The following NOC3L variants were observed in gnomAD, a reference collection of about 807,000 sequenced individuals.
The protein encoded by NOC3L is nucleolar complex protein 3 homolog.
NOC3L carries 85 observed loss-of-function variants against 102.5 expected under a neutral mutation model. That is an observed-to-expected ratio of 0.83 (90% confidence interval 0.70 to 0.99). NOC3L has a LOEUF of 0.99. Ranked by LOEUF, NOC3L falls within the 50% of genes least tolerant of loss-of-function variation. The probability of loss-of-function intolerance (pLI) is 0.00; values close to 1 mark genes in which losing one functional copy is unlikely to be tolerated. For missense variants in NOC3L, 878 were observed against 914.9 expected (o/e 0.96, Z 0.52); for synonymous variants, 303 against 309.4 (o/e 0.98, Z 0.22).
chr10:94,343,272 T>C (rs1365425940), intron 13 of NOC3L, among the ~76,000 whole-genome samples: 3 of 152,056 alleles, frequency 2.0e-5, no homozygotes, highest in Non-Finnish European at 4.4e-5. Context: ...GGGTCGAGCA[T>C]GGTGGCTCAC....
chr10:94,324,125 A>T, the NOC3L span, among the ~76,000 whole-genome samples: 1 of 152,226 alleles, frequency 6.6e-6, no homozygotes, highest in Admixed American at 6.5e-5. Context: ...ATTCAGGATA[A>T]TAACACCTAA....
chr10:94,318,500 T>C, the NOC3L span, among the ~76,000 whole-genome samples: 2 of 152,300 alleles, frequency 1.3e-5, no homozygotes, highest in Non-Finnish European at 2.9e-5. Flanking sequence ...AGGAAATAGA[T>C]TCAGAGAGGT....
chr10:94,340,378 A>G (rs754748707), intron 15 of NOC3L, 31 bp from the exon 16 acceptor site: 4 of 1,606,276 alleles, frequency 2.5e-6, no homozygotes, highest in African/African-American at 1.3e-5. Flanking sequence ...CCAATTAGGT[A>G]TGTTATAGCA....
chr10:94,319,352 G>A, the NOC3L span, among the ~76,000 whole-genome samples: 5 of 152,168 alleles, frequency 3.3e-5, no homozygotes, highest in Admixed American at 3.3e-4. Flanking sequence ...ATTACTGAAT[G>A]TAAGAGGGCA....
At chr10:94,321,288 A>G in the NOC3L span, among the ~76,000 whole-genome samples, 1 of 152,180 alleles carries the variant, frequency 6.6e-6, no homozygotes, top group Non-Finnish European at 1.5e-5. Flanking sequence ...TAATTGGCAA[A>G]ATGGTATATT....
At chr10:94,332,725 T>C (rs912098245), downstream of NOC3L, 1 of 152,208 alleles carries the variant, frequency 6.6e-6, no homozygotes, top group Non-Finnish European at 1.5e-5. Context: ...TGAGTTTCTA[T>C]TTTAAGCTGA....
chr10:94,340,701 G>A (rs1221698747), intron 14 of NOC3L, among the ~76,000 whole-genome samples: 1 of 151,952 alleles, frequency 6.6e-6, no homozygotes, highest in South Asian at 2.1e-4. Context: ...ATCTCTCAGG[G>A]CCGGGCGCGG....
chr10:94,340,184 G>T, intron 16 of NOC3L, 92 bp downstream of exon 16: 3 of 1,077,610 alleles, frequency 2.8e-6, no homozygotes, highest in African/African-American at 1.6e-5. Flanking sequence ...TTATGTACCT[G>T]TTCCTATTTC....
At chr10:94,359,099 T>C (rs1458128730) in intron 2 of NOC3L, among the ~76,000 whole-genome samples, 3 of 152,240 alleles carry the variant, frequency 2.0e-5, no homozygotes. Context: ...TCTTTCCTAG[T>C]AGAACTTACA....
intron 18 of NOC3L, 90 bp downstream of exon 18, chr10:94,338,518 T>C: frequency 7.4e-7 from 1 of 1,350,734 alleles, no homozygotes; most frequent in Non-Finnish European, 9.8e-7. Flanking sequence ...TATAATTAAG[T>C]ACTCTGGCAA....
the NOC3L span, among the ~76,000 whole-genome samples, chr10:94,317,485 G>C: frequency 6.6e-6 from 1 of 152,132 alleles, no homozygotes; most frequent in Non-Finnish European, 1.5e-5. Flanking sequence ...CTGACTTCCA[G>C]TTTTAGCTAA....
chr10:94,337,911 T>C (rs2054240772), intron 18 of NOC3L, 37 bp from the exon 19 acceptor site: 1 of 1,467,832 alleles, frequency 6.8e-7, no homozygotes, highest in Non-Finnish European at 9.4e-7. Context: ...TCTGCACAGG[T>C]CAGTCCTTTA....
At chr10:94,324,252 G>A in the NOC3L span, 1 of 940,844 alleles carries the variant, frequency 1.1e-6, no homozygotes, top group Non-Finnish European at 1.8e-6. Flanking sequence ...TTCATCTCTA[G>A]TCTGGGCCAT....
At chr10:94,340,748 G>C (rs979111099) in intron 14 of NOC3L, among the ~76,000 whole-genome samples, 1 of 151,968 alleles carries the variant, frequency 6.6e-6, no homozygotes, top group Non-Finnish European at 1.5e-5. Flanking sequence ...TCAGGAGGCC[G>C]AGGCGGGCAG....
chr10:94,352,032 C>T (rs1436674396), intron 8 of NOC3L, among the ~76,000 whole-genome samples: 1 of 152,172 alleles, frequency 6.6e-6, no homozygotes, highest in East Asian at 1.9e-4. Context: ...CACCTCATAT[C>T]TACAAACTCA....
rs1377339855 is a variant in NOC3L at position 94,362,859 on chromosome 10, C to T, written c.-21G>A. The T allele has an allele frequency of 1.2e-6, 2 of 1,613,990 alleles. No individual in the cohort carries two copies. Among genetic ancestry groups the T allele is most frequent in the Non-Finnish European group, 1.7e-6 (2 of 1,180,034 alleles). On this transcript the variant is annotated 5_prime_UTR_variant, in exon 1 of 21. Transcript: ENST00000371361. ...TTCATCCTTAGGCCTTAAATGAATGCCGGCCAGACAAGTTCACCAGAAGCA... is the reference window on the plus strand; with the variant it reads ...TTCATCCTTAGGCCTTAAATGAATGTCGGCCAGACAAGTTCACCAGAAGCA...
chr10:94,343,721 GA>G (rs775181831), intron 13 of NOC3L, among the ~76,000 whole-genome samples: 1 of 151,938 alleles, frequency 6.6e-6, no homozygotes, highest in Non-Finnish European at 1.5e-5. Context: ...AATATGTTAT[GA>G]AAAAACACCA....
intron 10 of NOC3L, among the ~76,000 whole-genome samples, chr10:94,347,112 A>G (rs1394046757): frequency 6.6e-6 from 1 of 152,188 alleles, no homozygotes; most frequent in Non-Finnish European, 1.5e-5. Context: ...TAAGAACAAA[A>G]GGGGTTTAAA....
At chr10:94,316,528 GC>G in the NOC3L span, 1 of 1,552,482 alleles carries the variant, frequency 6.4e-7, no homozygotes, top group Non-Finnish European at 8.9e-7. Flanking sequence ...TCCTCAGTTT[GC>G]CTTCACTTTT....
Sources: allele counts gnomAD v4.1 joint callset (sites outside exome capture counted in the v4.1 genomes callset), GRCh38; gene constraint gnomAD v4.1.1; transcripts MANE v1.5; gene names NCBI Gene and HGNC (gene_info 2026-07-23, HGNC 2026-07-21).